BRAF: variants seen among roughly 807,000 people sequenced by gnomAD.
BRAF encodes serine/threonine-protein kinase B-raf.
A neutral mutation model predicts 104.6 loss-of-function variants in BRAF; 16 were observed. The observed-to-expected ratio is 0.15, with a 90% CI of 0.10 to 0.23. The LOEUF (loss-of-function observed/expected upper bound fraction) is 0.23, where lower values mean the gene tolerates loss of function less well. BRAF is among the 10% of genes least tolerant of loss of function. BRAF has a pLI of 1.00. For missense variants in BRAF, 541 were observed against 937.3 expected, an observed-to-expected ratio of 0.58 and a Z score of 5.52; for synonymous variants, 310 against 341.6, an observed-to-expected ratio of 0.91 and a Z score of 1.02.
chr7:140,717,141 C>T (rs974112285), downstream of BRAF, among the ~76,000 whole-genome samples: 1 of 152,190 alleles, frequency 6.6e-6, no homozygotes, highest in Non-Finnish European at 1.5e-5. Context: ...CTCGTTACAG[C>T]CATCGTGACA....
chr7:140,749,580 GAA>G (rs1347004561), intron 16 of BRAF, among the ~76,000 whole-genome samples, 162 bp from the exon 16 acceptor site: 1 of 152,012 alleles, frequency 6.6e-6, no homozygotes, highest in Non-Finnish European at 1.5e-5. Flanking sequence ...TTAAGCTGAA[GAA>G]AAAAACCTCT....
At chr7:140,836,671 G>A (rs1807375372) in intron 2 of BRAF, among the ~76,000 whole-genome samples, 1 of 152,006 alleles carries the variant, frequency 6.6e-6, no homozygotes. Context: ...CAGTACCAAG[G>A]CCTAATTACT....
chr7:140,790,469 A>G (rs1013738027), intron 8 of BRAF, among the ~76,000 whole-genome samples: 1 of 152,306 alleles, frequency 6.6e-6, no homozygotes, highest in African/African-American at 2.4e-5. Context: ...AAAAGCCATC[A>G]AACAACTTTT....
rs527688845 is a variant in BRAF at position 140,762,144 on chromosome 7, G to C, written c.1815-7911C>G. On this transcript the variant is annotated intron_variant, in intron 14 of 19. Coordinates refer to ENST00000644969, the MANE Select transcript of BRAF (RefSeq NM_001374258.1). ...AACTGACCACATACTTGGAAGTAAA[G>C]CTCTCCTCAGCAAATGTAAAAGAAC... Among the ~76,000 whole-genome samples, 53 of 152,186 alleles carry C rather than the reference G, an allele frequency of 3.5e-4. 1 individual carries two copies. Among genetic ancestry groups the C allele is most frequent in the African/African-American group, 1.3e-3 (52 of 41,486 alleles).
At chr7:140,872,244 T>TAAATAAA (rs879942849) in intron 1 of BRAF, among the ~76,000 whole-genome samples, 1 of 151,224 alleles carries the variant, frequency 6.6e-6, no homozygotes. Flanking sequence ...AATAAATAAA[T>TAAATAAA]TGCACAGAAC....
rs546740344 is a variant in BRAF, at chr7:140,790,034, A to C, written c.1141-2450T>G. The stretch of plus-strand genomic sequence containing the variant: ...TGTGAGCCACTGCACCCAGCCGATA[A>C]GATTTTTAGTGCTGTGTATGATAAC... On this transcript the variant is annotated intron_variant, in intron 8 of 19. Transcript: ENST00000644969. 7.2e-5 allele frequency among the ~76,000 whole-genome samples: 11 copies of C among 152,202 alleles called. 1 individual carries two copies. Among genetic ancestry groups the C allele is most frequent in the African/African-American group, 2.6e-4 (11 of 41,544 alleles).
chr7:140,806,419 G>GA (rs1339935030), intron 5 of BRAF, among the ~76,000 whole-genome samples: 1 of 152,116 alleles, frequency 6.6e-6, no homozygotes, highest in Non-Finnish European at 1.5e-5. Context: ...TTGGCAAATG[G>GA]AAAGTTCTCA....
chr7:140,753,160 T>C, intron 16 of BRAF, 115 bp downstream of exon 15: 1 of 773,160 alleles, frequency 1.3e-6, no homozygotes, highest in Non-Finnish European at 2.2e-6. Context: ...CTGATTTTTG[T>C]GAATACTGGG....
In BRAF at chr7:140,834,312, CA is replaced by C. The variant is rs1807089663; in HGVS notation, c.504+296del. On this transcript the variant is annotated intron_variant, in intron 3 of 19. Coordinates refer to ENST00000644969, the MANE Select transcript of BRAF (RefSeq NM_001374258.1). ...TACCTGACACACATTAGATAATGAA[CA>C]AGCTCAAGTCTTAAAATCCTGATTT... 7.5e-6 allele frequency: 4 copies of C among 534,510 alleles called. No homozygotes were observed. In the African/African-American group the frequency reaches 7.6e-5, roughly 10 times the overall value. 33.1% of individuals were successfully genotyped at this position (534,510 alleles called of 1,614,324 possible). A position where few individuals can be genotyped will look rare whatever the true frequency, so the allele number is the denominator to read the frequency against.
chr7:140,723,975 GA>G lies in BRAF; in HGVS notation c.*2518del. ...AACTAGAGAAAAAACCTATTTCATA[GA>G]AAAAGGAAGAAAAGAGAGGTTTAAA... On this transcript the variant is annotated 3_prime_UTR_variant, in exon 20 of 20. Coordinates refer to ENST00000644969, the MANE Select transcript of BRAF (RefSeq NM_001374258.1). 1 of 1,040,780 alleles carries G rather than the reference GA, an allele frequency of 9.6e-7. No individual in the cohort carries two copies. The highest frequency in any genetic ancestry group is 1.2e-6 in the Non-Finnish European group (1 of 863,688). 64.5% of individuals were successfully genotyped at this position (1,040,780 alleles called of 1,614,324 possible).
chr7:140,920,940 G>T lies in BRAF; in HGVS notation c.138+3626C>A, dbSNP rs146963354. Among the ~76,000 whole-genome samples the T allele has an allele frequency of 1.5e-3, 226 of 152,240 alleles. 2 individuals are homozygous for T. The highest frequency in any genetic ancestry group is 5.0e-3 in the African/African-American group (207 of 41,540). Reference sequence around the variant, plus strand: ...ATTAATGAGAATACCACTTTTCAGGGTTATGATGCAATCCAACCTGGTGTG... The same window carrying T: ...ATTAATGAGAATACCACTTTTCAGGTTTATGATGCAATCCAACCTGGTGTG... On this transcript the variant is annotated intron_variant, in intron 1 of 19. Coordinates refer to ENST00000644969, the MANE Select transcript of BRAF (RefSeq NM_001374258.1).
chr7:140,814,550 G>A (rs1804618613), intron 3 of BRAF, among the ~76,000 whole-genome samples: 1 of 151,544 alleles, frequency 6.6e-6, no homozygotes, highest in African/African-American at 2.4e-5. Context: ...CTGTCATCCT[G>A]GCTACTAGGG....
intron 1 of BRAF, among the ~76,000 whole-genome samples, chr7:140,866,850 C>T (rs532125935): frequency 2.0e-5 from 3 of 151,962 alleles, no homozygotes; most frequent in African/African-American, 7.2e-5. Flanking sequence ...TTTTCGTAAA[C>T]CCTGAAATAA....
chr7:140,793,051 C>T (rs191643581), intron 8 of BRAF, among the ~76,000 whole-genome samples: 92 of 152,006 alleles, frequency 6.1e-4, no homozygotes, highest in Admixed American at 9.8e-4. Context: ...CAAATGGCAG[C>T]GGTAATAAGT....
At chr7:140,794,943 C>G (rs1802356462) in intron 7 of BRAF, among the ~76,000 whole-genome samples, 2 of 151,956 alleles carry the variant, frequency 1.3e-5, no homozygotes, top group Admixed American at 1.3e-4. Context: ...TGTACTTGTT[C>G]CTTTACAGGA....
intron 2 of BRAF, among the ~76,000 whole-genome samples, chr7:140,848,654 C>T (rs1808822610): frequency 2.0e-5 from 3 of 152,158 alleles, no homozygotes; most frequent in African/African-American, 7.2e-5. Context: ...TTGTCTAATT[C>T]TGATTAATAA....
chr7:140,923,228 G>C (rs1348241064), intron 1 of BRAF, among the ~76,000 whole-genome samples: 1 of 152,072 alleles, frequency 6.6e-6, no homozygotes, highest in Non-Finnish European at 1.5e-5. Flanking sequence ...GAGATGTTAT[G>C]AGAATTGAGA....
chr7:140,784,917 G>T (rs926601372), intron 10 of BRAF, among the ~76,000 whole-genome samples: 14 of 152,122 alleles, frequency 9.2e-5, no homozygotes, highest in African/African-American at 3.4e-4. Flanking sequence ...AAAGTGCTGG[G>T]ATTACAGGCG....
chr7:140,916,280 CAAAGT>C (rs1817623815), intron 1 of BRAF, among the ~76,000 whole-genome samples: 1 of 152,126 alleles, frequency 6.6e-6, no homozygotes, highest in Admixed American at 6.5e-5. Flanking sequence ...CAGTTTAAAA[CAAAGT>C]AAAGGGGCCC....
Sources: gnomAD v4.1 joint callset for allele counts (sites outside exome capture counted in the v4.1 genomes callset) on GRCh38, gnomAD v4.1.1 for gene constraint, MANE v1.5 for transcripts, NCBI Gene and HGNC (gene_info 2026-07-23, HGNC 2026-07-21) for gene names.